Variants in POLR3B observed in about 807,000 individuals in gnomAD.
POLR3B encodes the protein DNA-directed RNA polymerase III subunit RPC2.
In POLR3B, 96 loss-of-function variants were observed where a neutral mutation model predicts 147.4. The observed-to-expected ratio is 0.65, with a 90% CI of 0.55 to 0.77. The LOEUF (loss-of-function observed/expected upper bound fraction) is 0.77. Ranked by LOEUF, POLR3B falls within the 30% of genes least tolerant of loss-of-function variation. The pLI is 0.00. For missense variants in POLR3B, 1,036 were observed against 1,413.5 expected (o/e 0.73, Z 4.28); for synonymous variants, 461 against 485.9 (o/e 0.95, Z 0.67).
At chr12:106,475,846 G>A (rs1047127819) in intron 23 of POLR3B, among the ~76,000 whole-genome samples, 1 of 150,746 alleles carries the variant, frequency 6.6e-6, no homozygotes, top group Non-Finnish European at 1.5e-5. Flanking sequence ...TCTTTTAATT[G>A]GAGAATTTAG....
intron 6 of POLR3B, among the ~76,000 whole-genome samples, chr12:106,370,106 C>T (rs141008521): frequency 1.5e-4 from 23 of 152,086 alleles, no homozygotes; most frequent in African/African-American, 2.7e-4. Flanking sequence ...CATCCACTTG[C>T]GTTTTTGCAA....
At chr12:106,505,439 C>A (rs2038671215) in intron 27 of POLR3B, among the ~76,000 whole-genome samples, 1 of 152,046 alleles carries the variant, frequency 6.6e-6, no homozygotes, top group African/African-American at 2.4e-5. Context: ...AGGCTCACAC[C>A]ACCACGCCTG....
At chr12:106,398,166 C>T (rs1449876685) in intron 10 of POLR3B, among the ~76,000 whole-genome samples, 3 of 152,220 alleles carry the variant, frequency 2.0e-5, no homozygotes, top group South Asian at 2.1e-4. Context: ...GCTTAAGAAA[C>T]GGCACACCAG....
At chr12:106,365,245 T>C (rs574955021) in intron 2 of POLR3B, among the ~76,000 whole-genome samples, 98 of 151,868 alleles carry the variant, frequency 6.5e-4, no homozygotes, top group Non-Finnish European at 1.2e-3. Context: ...AGGCTGGGAG[T>C]TGTCAGGGCC....
Position 106,410,745 on chromosome 12 carries a change from A to G in POLR3B, c.967-81A>G, listed in dbSNP as rs185548374. 64 of 1,105,516 alleles carry G rather than the reference A, an allele frequency of 5.8e-5. 1 individual carries two copies. In the East Asian group the frequency reaches 1.2e-3, roughly 21 times the overall value. 68.5% of individuals were successfully genotyped at this position (1,105,516 alleles called of 1,614,324 possible). A position where few individuals can be genotyped will look rare whatever the true frequency, so the allele number is the denominator to read the frequency against. On this transcript the variant is annotated intron_variant, in intron 11 of 27. Transcript: ENST00000228347. ...TTCAGTATTTTCTTAGTTGAATGTT[A>G]TAGTATTGATACTTTTCTTGAGGTA...
chr12:106,472,608 G>A (rs1174198872), intron 23 of POLR3B, among the ~76,000 whole-genome samples: 1 of 150,704 alleles, frequency 6.6e-6, no homozygotes, highest in Non-Finnish European at 1.5e-5. Flanking sequence ...TTTCTCTGAT[G>A]GCCAGTGATG....
chr12:106,482,549 C>G (rs2038282353), intron 23 of POLR3B, among the ~76,000 whole-genome samples: 1 of 152,116 alleles, frequency 6.6e-6, no homozygotes, highest in Admixed American at 6.5e-5. Context: ...CAACCAGTTC[C>G]TGTGAGAACT....
chr12:106,381,499 C>T (rs2036763217), intron 9 of POLR3B, among the ~76,000 whole-genome samples: 1 of 152,142 alleles, frequency 6.6e-6, no homozygotes, highest in Non-Finnish European at 1.5e-5. Context: ...TCTGCTCATC[C>T]TTAGGAAGCA....
rs145667291 is a variant in POLR3B, at chr12:106,494,924, T to C, written c.2714-1131T>C. 4.5e-3 allele frequency among the ~76,000 whole-genome samples: 693 copies of C among 152,332 alleles called. 4 individuals are homozygous for C. The highest frequency in any genetic ancestry group is 0.016 in the African/African-American group (668 of 41,574). On this transcript the variant is annotated intron_variant, in intron 23 of 27. Coordinates refer to ENST00000228347, the MANE Select transcript of POLR3B (RefSeq NM_018082.6). ...TAGGAAAATGGCATTCTTTTTCTTTTGACTTTAGCTCCTGGTGATTACAAC... is the reference window on the plus strand; with the variant it reads ...TAGGAAAATGGCATTCTTTTTCTTTCGACTTTAGCTCCTGGTGATTACAAC...
At chr12:106,397,896 C>T (rs896584631) in intron 10 of POLR3B, among the ~76,000 whole-genome samples, 4 of 152,220 alleles carry the variant, frequency 2.6e-5, no homozygotes, top group Non-Finnish European at 5.9e-5. Context: ...GGAACAGCTC[C>T]GGTCTACAGC....
intron 12 of POLR3B, among the ~76,000 whole-genome samples, chr12:106,416,781 G>A (rs1048461338): frequency 2.0e-5 from 3 of 152,152 alleles, no homozygotes; most frequent in African/African-American, 7.2e-5. Context: ...AGAGCCTGCA[G>A]GGTCCTTGAT....
intron 18 of POLR3B, among the ~76,000 whole-genome samples, chr12:106,442,543 G>A (rs2037666271): frequency 6.6e-6 from 1 of 152,014 alleles, no homozygotes; most frequent in South Asian, 2.1e-4. Context: ...AGGTCATAAG[G>A]TGAAAACAGT....
At chr12:106,358,020 T>G in intron 1 of POLR3B, 69 bp downstream of exon 1, 2 of 1,587,608 alleles carry the variant, frequency 1.3e-6, no homozygotes, top group Non-Finnish European at 1.7e-6. Context: ...CCCGGAGTGC[T>G]CGGGCCGCCA....
At chr12:106,382,788 C>G (rs894970656) in intron 9 of POLR3B, among the ~76,000 whole-genome samples, 1 of 152,126 alleles carries the variant, frequency 6.6e-6, no homozygotes, top group Non-Finnish European at 1.5e-5. Flanking sequence ...AAGGGCCTTA[C>G]GATTTTCGGA....
At chr12:106,394,033 T>C (rs2036950683) in intron 10 of POLR3B, among the ~76,000 whole-genome samples, 1 of 152,230 alleles carries the variant, frequency 6.6e-6, no homozygotes. Flanking sequence ...ATGACATATG[T>C]AAACTCTGGG....
chr12:106,476,670 G>T (rs1350031251), intron 23 of POLR3B, among the ~76,000 whole-genome samples: 1 of 147,954 alleles, frequency 6.8e-6, no homozygotes, highest in East Asian at 2.0e-4. Flanking sequence ...AGCTCCTGAG[G>T]CTTCTGCATT....
Position 106,405,992 on chromosome 12 carries a change from T to G in POLR3B, c.966+16T>G. 1 of 1,613,204 alleles carries G rather than the reference T, an allele frequency of 6.2e-7. No individual in the cohort carries two copies. Among genetic ancestry groups the G allele is most frequent in the Non-Finnish European group, 8.5e-7 (1 of 1,179,286 alleles). On this transcript the variant is annotated intron_variant, in intron 11 of 27. Coordinates refer to ENST00000228347, the MANE Select transcript of POLR3B (RefSeq NM_018082.6). Reference sequence around the variant, plus strand: ...CCATGTCCCAGTGAGTAACACTTCGTTATTGTGAATAAGGACTGTGGGGTC... The same window carrying G: ...CCATGTCCCAGTGAGTAACACTTCGGTATTGTGAATAAGGACTGTGGGGTC...
At chr12:106,449,884 A>T (rs1295903814) in intron 19 of POLR3B, among the ~76,000 whole-genome samples, 1 of 152,230 alleles carries the variant, frequency 6.6e-6, no homozygotes, top group Admixed American at 6.5e-5. Context: ...AAATGAATGA[A>T]TGAATGAATC....
chr12:106,502,848 A>G (rs12302752), intron 26 of POLR3B, among the ~76,000 whole-genome samples: 1,675 of 152,306 alleles, frequency 0.011, 23 homozygotes, highest in African/African-American at 0.038. Context: ...TTCAGTTACA[A>G]CATCCAAAAA....
Sources: gnomAD v4.1 joint callset for allele counts (sites outside exome capture counted in the v4.1 genomes callset) on GRCh38, gnomAD v4.1.1 for gene constraint, MANE v1.5 for transcripts, NCBI Gene and HGNC (gene_info 2026-07-23, HGNC 2026-07-21) for gene names.